PPP2R2A: variants seen among roughly 807,000 people sequenced by gnomAD.
The protein encoded by PPP2R2A is protein phosphatase 2 regulatory subunit Balpha, also known as serine/threonine-protein phosphatase 2A 55 kDa regulatory subunit B alpha isoform.
In PPP2R2A, 9 loss-of-function variants were observed where a neutral mutation model predicts 53.2. The observed-to-expected ratio is 0.17, with a 90% confidence interval of 0.10 to 0.30. PPP2R2A has a LOEUF of 0.30. Ranked by LOEUF, PPP2R2A falls within the 10% of genes least tolerant of loss-of-function variation. PPP2R2A has a pLI of 1.00. For missense variants in PPP2R2A, 235 were observed against 534.6 expected (o/e 0.44, Z 5.53); for synonymous variants, 169 against 174.2 (o/e 0.97, Z 0.23).
At chr8:26,339,218 A>C (rs1245100943) in intron 3 of PPP2R2A, among the ~76,000 whole-genome samples, 1 of 152,206 alleles carries the variant, frequency 6.6e-6, no homozygotes, top group Non-Finnish European at 1.5e-5. Flanking sequence ...TTGTAAAAAT[A>C]CTTGATTAGA....
chr8:26,331,512 G>A (rs1803376245), intron 2 of PPP2R2A, among the ~76,000 whole-genome samples: 1 of 152,122 alleles, frequency 6.6e-6, no homozygotes, highest in Non-Finnish European at 1.5e-5. Context: ...AGTGTTCTTT[G>A]TTAGTCTTTG....
chr8:26,308,380 ACTT>A (rs149780776), intron 2 of PPP2R2A, among the ~76,000 whole-genome samples: 6,673 of 152,320 alleles, frequency 0.044, 184 homozygotes, highest in South Asian at 0.12. Flanking sequence ...CCACAGTAGA[ACTT>A]CTTTCAAAAT....
intron 3 of PPP2R2A, among the ~76,000 whole-genome samples, chr8:26,342,103 A>G (rs1803971404): frequency 6.6e-6 from 1 of 152,206 alleles, no homozygotes; most frequent in Non-Finnish European, 1.5e-5. Context: ...TAGCATTGTT[A>G]TAACTAATAT....
At chr8:26,339,576 C>G (rs1803839232) in intron 3 of PPP2R2A, among the ~76,000 whole-genome samples, 1 of 151,930 alleles carries the variant, frequency 6.6e-6, no homozygotes, top group Non-Finnish European at 1.5e-5. Context: ...TTTTGTTTTT[C>G]TTACAACTTA....
chr8:26,368,484 A>G (rs1351689057), intron 9 of PPP2R2A, among the ~76,000 whole-genome samples: 1 of 152,270 alleles, frequency 6.6e-6, no homozygotes, highest in African/African-American at 2.4e-5. Context: ...AGAACTGACA[A>G]GGAAGTGTCT....
chr8:26,292,092 TGGGTGGGGCG>T (rs1297242993), intron 1 of PPP2R2A: 3 of 516,044 alleles, frequency 5.8e-6, no homozygotes, highest in African/African-American at 8.1e-5. Flanking sequence ...GGGTGAGGCG[TGGGTGGGGCG>T]GGGTGGGGGT....
chr8:26,333,988 A>C (rs1013261848), intron 2 of PPP2R2A, among the ~76,000 whole-genome samples: 3 of 150,822 alleles, frequency 2.0e-5, no homozygotes, highest in African/African-American at 7.4e-5. Context: ...GTATAGATAA[A>C]ATTTAAGAAC....
chr8:26,310,406 T>C (rs1018967018), intron 2 of PPP2R2A, among the ~76,000 whole-genome samples: 1 of 150,666 alleles, frequency 6.6e-6, no homozygotes, highest in Non-Finnish European at 1.5e-5. Flanking sequence ...TAGTTCTTTT[T>C]CCACAGCAAA....
Position 26,314,269 on chromosome 8 carries a change from A to G in PPP2R2A, c.82+20529A>G, listed in dbSNP as rs148183264. ...CTCCTAGTATATTGAAGCACATCAG[A>G]TGTTGTATCAGTTTTACTTTTGCCT... On this transcript the variant is annotated intron_variant, in intron 2 of 9. Coordinates refer to ENST00000380737, the MANE Select transcript of PPP2R2A (RefSeq NM_002717.4). Among the ~76,000 whole-genome samples the G allele has an allele frequency of 3.3e-3, 507 of 152,240 alleles. 1 individual carries two copies. The highest frequency in any genetic ancestry group is 0.012 in the African/African-American group (491 of 41,526).
chr8:26,321,479 A>C lies in PPP2R2A; in HGVS notation c.83-17411A>C, dbSNP rs1802836248. Among the ~76,000 whole-genome samples, 1 of 152,138 alleles carries C rather than the reference A, an allele frequency of 6.6e-6. No individual in the cohort carries two copies. Reference sequence around the variant, plus strand: ...TCTGGACCTCTCGTGACTTGCTTCCACAAGTGGGGCAAGATGCTGGGATGC... The same window carrying C: ...TCTGGACCTCTCGTGACTTGCTTCCCCAAGTGGGGCAAGATGCTGGGATGC... On this transcript the variant is annotated intron_variant, in intron 2 of 9. Coordinates refer to ENST00000380737, the MANE Select transcript of PPP2R2A (RefSeq NM_002717.4). This position sits in a 1 kb window ranked among gnomAD's most constrained non-coding sequence, Gnocchi z 4.1.
At chr8:26,334,428 C>A (rs1803547177) in intron 2 of PPP2R2A, among the ~76,000 whole-genome samples, 1 of 152,128 alleles carries the variant, frequency 6.6e-6, no homozygotes, top group African/African-American at 2.4e-5. Flanking sequence ...TTCTCAAATT[C>A]CAGCATTCTT....
At chr8:26,356,038 T>C (rs1273410676) in intron 4 of PPP2R2A, among the ~76,000 whole-genome samples, 2 of 152,208 alleles carry the variant, frequency 1.3e-5, no homozygotes, top group South Asian at 2.1e-4. Context: ...GGAGATACTT[T>C]AGTTTCTGGG....
chr8:26,314,317 C>T (rs907370105), intron 2 of PPP2R2A, among the ~76,000 whole-genome samples: 2 of 152,218 alleles, frequency 1.3e-5, no homozygotes, highest in African/African-American at 2.4e-5. Flanking sequence ...CTCCAACCCG[C>T]GTGCTTCAAT....
chr8:26,357,490 T>A (rs1804850539), intron 4 of PPP2R2A, among the ~76,000 whole-genome samples: 1 of 152,212 alleles, frequency 6.6e-6, no homozygotes, highest in Non-Finnish European at 1.5e-5. Flanking sequence ...CTTGAGTTAA[T>A]TTAATGTTCC....
chr8:26,293,111 A>T, intron 1 of PPP2R2A: 1 of 846,402 alleles, frequency 1.2e-6, no homozygotes, highest in Middle Eastern at 2.3e-4. Context: ...AGCAGCATTC[A>T]TTTCGGTTTC....
intron 3 of PPP2R2A, among the ~76,000 whole-genome samples, chr8:26,349,717 T>G (rs1204926605): frequency 6.6e-6 from 1 of 152,220 alleles, no homozygotes; most frequent in African/African-American, 2.4e-5. Context: ...CAAACCCTTC[T>G]CTTTTCCCTT....
chr8:26,292,898 T>G (rs954018534), intron 1 of PPP2R2A, among the ~76,000 whole-genome samples: 2 of 152,246 alleles, frequency 1.3e-5, no homozygotes, highest in Non-Finnish European at 2.9e-5. Context: ...TTTAGATAAT[T>G]AAACCTTTTG....
chr8:26,364,722 T>TA (rs1419155082), intron 8 of PPP2R2A, among the ~76,000 whole-genome samples: 3 of 152,178 alleles, frequency 2.0e-5, no homozygotes, highest in Non-Finnish European at 4.4e-5. Context: ...AAAGACAAAA[T>TA]ACTGCTTTGC....
rs781475196 is a variant in PPP2R2A, at chr8:26,362,882, CA to C, written c.802+35del. 2 of 1,584,328 alleles carry C rather than the reference CA, an allele frequency of 1.3e-6. No individual in the cohort carries two copies. The highest frequency in any genetic ancestry group is 1.7e-5 in the Admixed American group (1 of 59,014). On this transcript the variant is annotated intron_variant, in intron 7 of 9. Coordinates refer to ENST00000380737, the MANE Select transcript of PPP2R2A (RefSeq NM_002717.4). The surrounding 1 kb of genome is among the most constrained non-coding windows in gnomAD (Gnocchi z 4.4). ...ATTGTATCTTTCCTTAAAATGATTA[CA>C]TATTCTGTTTGTCTGAAATAAGCCT...
Sources: gnomAD v4.1 joint callset for allele counts (sites outside exome capture counted in the v4.1 genomes callset) on GRCh38, gnomAD v4.1.1 for gene constraint, Gnocchi (gnomAD v3.1) non-coding constraint, MANE v1.5 for transcripts, NCBI Gene and HGNC (gene_info 2026-07-23, HGNC 2026-07-21) for gene names.